The following MPZL1 variants were observed in gnomAD, a reference collection of about 807,000 sequenced individuals.
The protein encoded by MPZL1 is myelin protein zero like 1.
MPZL1 carries 16 observed loss-of-function variants against 29.3 expected under a neutral mutation model. That is an observed-to-expected ratio of 0.55 (90% CI 0.37 to 0.83). The LOEUF (loss-of-function observed/expected upper bound fraction) is 0.83, where lower values mean the gene tolerates loss of function less well. MPZL1 is among the 40% of genes least tolerant of loss of function. The pLI, the probability that MPZL1 is intolerant of heterozygous loss-of-function variation, is 0.00. For synonymous variants in MPZL1, 143 were observed against 132.0 expected, an observed-to-expected ratio of 1.08 and a Z score of -0.57; for missense variants, 279 against 332.9, an observed-to-expected ratio of 0.84 and a Z score of 1.26.
In MPZL1 at chr1:167,737,994, C is replaced by T. The variant is rs368765156; in HGVS notation, c.91+15752C>T. ...AGGCTGGAGTGCAGTGGCGCAATCTCGGCTCGCTGCAAGCTCCGCCTCCTG... is the reference window on the plus strand; with the variant it reads ...AGGCTGGAGTGCAGTGGCGCAATCTTGGCTCGCTGCAAGCTCCGCCTCCTG... On this transcript the variant is annotated intron_variant, in intron 1 of 5. Coordinates refer to ENST00000359523, the MANE Select transcript of MPZL1 (RefSeq NM_003953.6). Among the ~76,000 whole-genome samples the T allele has an allele frequency of 7.9e-5, 12 of 152,184 alleles. No individual in the cohort carries two copies. The East Asian group carries it at 1.7e-3, about 22-fold the overall frequency.
intron 1 of MPZL1, among the ~76,000 whole-genome samples, chr1:167,739,302 T>TATAC (rs1558110662): frequency 0.021 from 2,560 of 119,290 alleles, 224 homozygotes; most frequent in African/African-American, 0.097. Context: ...TATATATATA[T>TATAC]ATATATACAC....
chr1:167,742,154 G>A (rs1319457432), intron 1 of MPZL1, among the ~76,000 whole-genome samples: 2 of 151,256 alleles, frequency 1.3e-5, no homozygotes, highest in East Asian at 2.0e-4. Flanking sequence ...TTAGCCAGGC[G>A]TGGTGGCCCT....
rs1365687698 is a variant in MPZL1 at position 167,767,456 on chromosome 1, A to G, written c.258+1707A>G. Among the ~76,000 whole-genome samples the G allele has an allele frequency of 3.9e-5, 6 of 152,270 alleles. 1 individual carries two copies. The highest frequency in any genetic ancestry group is 3.3e-4 in the Admixed American group (5 of 15,296). The stretch of plus-strand genomic sequence containing the variant: ...GGAAACAGTCTTGTCGTGTAGGTCC[A>G]TGAAGGTTTACATAACTCAAAACTT... On this transcript the variant is annotated intron_variant, in intron 2 of 5. Coordinates refer to ENST00000359523, the MANE Select transcript of MPZL1 (RefSeq NM_003953.6).
In MPZL1 at chr1:167,722,127, C is replaced by T. The variant is rs1181767507; in HGVS notation, c.-25C>T. ...CCCGGGCTCAGGGACGCGGCGGCGG[C>T]GGCGGCGACTGCAGTGGCTGGACGA... is the stretch of plus-strand genomic sequence containing the variant. On this transcript the variant is annotated 5_prime_UTR_variant, in exon 1 of 6. Coordinates refer to ENST00000359523, the MANE Select transcript of MPZL1 (RefSeq NM_003953.6). 1.6e-6 allele frequency: 2 copies of T among 1,234,236 alleles called. No individual in the cohort carries two copies. The highest frequency in any genetic ancestry group is 1.6e-5 in the African/African-American group (1 of 64,330). The allele number at this position is 1,234,236 out of a possible 1,614,324, so 76.5% of individuals were successfully genotyped here.
intron 5 of MPZL1, among the ~76,000 whole-genome samples, chr1:167,782,131 A>G (rs1162321554): frequency 6.6e-6 from 1 of 152,082 alleles, no homozygotes; most frequent in African/African-American, 2.4e-5. Context: ...CTTAGCTGTG[A>G]CTAGTCTACT....
At chr1:167,758,999 A>G (rs576921043) in intron 1 of MPZL1, among the ~76,000 whole-genome samples, 12 of 152,302 alleles carry the variant, frequency 7.9e-5, no homozygotes, top group African/African-American at 2.9e-4. Context: ...ATATCATTTA[A>G]TCTATTTTAT....
rs567374175 is a variant in MPZL1, at chr1:167,789,259, T to C, written c.*1338T>C. 4.6e-5 allele frequency: 7 copies of C among 152,354 alleles called. No individual in the cohort carries two copies. The East Asian group carries it at 7.7e-4, about 17-fold the overall frequency. 9.4% of individuals were successfully genotyped at this position (152,354 alleles called of 1,614,324 possible). A position where few individuals can be genotyped will look rare whatever the true frequency, so the allele number is the denominator to read the frequency against. ...TGTGGTGAAGATCATTCAACACTTATGTTGTCATTTCTCCCATTTTCTGAA... is the reference window on the plus strand; with the variant it reads ...TGTGGTGAAGATCATTCAACACTTACGTTGTCATTTCTCCCATTTTCTGAA... On this transcript the variant is annotated 3_prime_UTR_variant, in exon 6 of 6. Coordinates refer to ENST00000359523, the MANE Select transcript of MPZL1 (RefSeq NM_003953.6).
chr1:167,755,195 T>G (rs1317544263), intron 1 of MPZL1, among the ~76,000 whole-genome samples: 1 of 152,188 alleles, frequency 6.6e-6, no homozygotes, highest in African/African-American at 2.4e-5. Context: ...TTTAAAAATT[T>G]TTTGCTGTAT....
intron 1 of MPZL1, among the ~76,000 whole-genome samples, chr1:167,743,551 C>A (rs1660581488): frequency 6.6e-6 from 1 of 151,794 alleles, no homozygotes. Flanking sequence ...GATGTGTTTC[C>A]TTTTGTTTAT....
intron 1 of MPZL1, among the ~76,000 whole-genome samples, chr1:167,749,264 C>CTT (rs1660709586): frequency 6.6e-6 from 1 of 152,190 alleles, no homozygotes. Flanking sequence ...GTTGTACCAT[C>CTT]TAAGCTACAG....
At chr1:167,785,365 G>T (rs972743846) in intron 5 of MPZL1, among the ~76,000 whole-genome samples, 2 of 152,238 alleles carry the variant, frequency 1.3e-5, no homozygotes, top group African/African-American at 4.8e-5. Flanking sequence ...CATGGTAGTG[G>T]TGGCTGTGTG....
chr1:167,759,507 T>C (rs962382439), intron 1 of MPZL1, among the ~76,000 whole-genome samples: 42 of 152,310 alleles, frequency 2.8e-4, no homozygotes, highest in African/African-American at 1.0e-3. Flanking sequence ...ATTTAGTTTC[T>C]CTCTTTACCC....
At chr1:167,734,335 G>C (rs1434076693) in intron 1 of MPZL1, among the ~76,000 whole-genome samples, 2 of 151,918 alleles carry the variant, frequency 1.3e-5, no homozygotes, top group Non-Finnish European at 2.9e-5. Context: ...GTAAGCCGAG[G>C]CAGGCCTGGC....
At chr1:167,754,447 T>C (rs539931376) in intron 1 of MPZL1, among the ~76,000 whole-genome samples, 1 of 152,370 alleles carries the variant, frequency 6.6e-6, no homozygotes, top group East Asian at 1.9e-4. Context: ...ACCAATGTCC[T>C]GTTAACTCAG....
intron 1 of MPZL1, among the ~76,000 whole-genome samples, chr1:167,729,658 G>A (rs1660223795): frequency 6.6e-6 from 1 of 152,186 alleles, no homozygotes; most frequent in Non-Finnish European, 1.5e-5. Context: ...AAGAGAAAGA[G>A]AGTGAGTGAG....
intron 1 of MPZL1, among the ~76,000 whole-genome samples, chr1:167,733,697 T>C (rs1660314868): frequency 6.6e-6 from 1 of 151,642 alleles, no homozygotes; most frequent in Admixed American, 6.6e-5. Flanking sequence ...TGAGCTGAGA[T>C]TGTGCCACTG....
At chr1:167,771,211 C>T (rs1258974677) in intron 2 of MPZL1, among the ~76,000 whole-genome samples, 5 of 152,016 alleles carry the variant, frequency 3.3e-5, no homozygotes, top group Non-Finnish European at 7.4e-5. Context: ...GAGTATGCTG[C>T]CTTCAAGCAT....
Position 167,787,817 on chromosome 1 carries a change from C to T in MPZL1, c.709-3C>T, listed in dbSNP as rs1661620066. ...CTCTAATCCTTCTGCTTCCCTTTTCCAGGGCCCAGTCATATATGCACAGTT... is the reference window on the plus strand; with the variant it reads ...CTCTAATCCTTCTGCTTCCCTTTTCTAGGGCCCAGTCATATATGCACAGTT... On this transcript the variant is annotated splice_polypyrimidine_tract_variant and splice_region_variant and intron_variant, in intron 5 of 5. Coordinates refer to ENST00000359523, the MANE Select transcript of MPZL1 (RefSeq NM_003953.6). 1 of 1,608,642 alleles carries T rather than the reference C, an allele frequency of 6.2e-7. No homozygotes were observed. The highest frequency in any genetic ancestry group is 1.1e-5 in the South Asian group (1 of 90,912).
chr1:167,771,710 T>C (rs1571165264), intron 2 of MPZL1, among the ~76,000 whole-genome samples: 2 of 152,188 alleles, frequency 1.3e-5, no homozygotes, highest in East Asian at 3.9e-4. Context: ...CGCTCCTCAC[T>C]TCCTAGATGG....
Sources: gnomAD v4.1 joint callset for allele counts (sites outside exome capture counted in the v4.1 genomes callset) on GRCh38, gnomAD v4.1.1 for gene constraint, MANE v1.5 for transcripts, NCBI Gene and HGNC (gene_info 2026-07-23, HGNC 2026-07-21) for gene names.